Variants in OTOA observed in about 807,000 individuals in gnomAD.
The protein encoded by OTOA is otoancorin.
A neutral mutation model predicts 110.8 loss-of-function variants in OTOA; 70 were observed. That is an observed-to-expected ratio of 0.63 (90% confidence interval 0.52 to 0.77). OTOA has a LOEUF of 0.77. Among genes scored for constraint, OTOA ranks in the 30% least tolerant of loss-of-function variants. OTOA has a pLI of 0.00. For missense variants in OTOA, 917 were observed against 1,075.8 expected, an observed-to-expected ratio of 0.85 and a Z score of 2.06; for synonymous variants, 373 against 431.5, an observed-to-expected ratio of 0.86 and a Z score of 1.68.
Position 21,756,543 on chromosome 16 carries a change from C to T in OTOA, c.3154-539C>T, listed in dbSNP as rs896592633. Among the ~76,000 whole-genome samples, 3 of 152,032 alleles carry T rather than the reference C, an allele frequency of 2.0e-5. 1 individual carries two copies. The highest frequency in any genetic ancestry group is 2.0e-4 in the Admixed American group (3 of 15,242). On this transcript the variant is annotated intron_variant, in intron 27 of 28. Coordinates refer to ENST00000646100, the MANE Select transcript of OTOA (RefSeq NM_144672.4). Reference sequence around the variant, plus strand: ...TGATCTTTAAGGCCTGTGTTTCCCCCTCCACATCAGTGTTTCAGGAGGTGG... The same window carrying T: ...TGATCTTTAAGGCCTGTGTTTCCCCTTCCACATCAGTGTTTCAGGAGGTGG...
At chr16:21,737,821 T>C (rs545077339) in intron 22 of OTOA, among the ~76,000 whole-genome samples, 14 of 152,396 alleles carry the variant, frequency 9.2e-5, no homozygotes, top group Middle Eastern at 3.4e-3. Flanking sequence ...CCTGTCCAAG[T>C]GTTAGATATT....
intron 13 of OTOA, among the ~76,000 whole-genome samples, chr16:21,712,334 T>TAA (rs879680615): frequency 2.1e-5 from 3 of 140,558 alleles, no homozygotes; most frequent in Admixed American, 1.4e-4. Flanking sequence ...GACTCTGTCT[T>TAA]AAAAAAAAAA....
chr16:21,728,485 C>A (rs1257731589), intron 20 of OTOA, 54 bp downstream of exon 20: 13 of 1,581,254 alleles, frequency 8.2e-6, no homozygotes, highest in East Asian at 2.3e-5. Flanking sequence ...TGTGGAGGGA[C>A]ACTCAACCTT....
intron 8 of OTOA, 81 bp from the exon 9 acceptor site, chr16:21,691,503 C>A: frequency 8.6e-7 from 1 of 1,165,438 alleles, no homozygotes; most frequent in Non-Finnish European, 1.3e-6. Context: ...AGCTTTGGGT[C>A]ACATTTGCTG....
At chr16:21,716,004 G>A (rs1898542581) in intron 14 of OTOA, among the ~76,000 whole-genome samples, 1 of 151,884 alleles carries the variant, frequency 6.6e-6, no homozygotes, top group Admixed American at 6.6e-5. Flanking sequence ...CCACCTCTGG[G>A]GCTCAAGGGA....
At chr16:21,687,706 C>T (rs548194192) in intron 8 of OTOA, 58 bp downstream of exon 8, 12 of 1,447,420 alleles carry the variant, frequency 8.3e-6, no homozygotes, top group East Asian at 7.4e-5. Flanking sequence ...TTCACTCTGT[C>T]GCCCAGGTTG....
intron 15 of OTOA, among the ~76,000 whole-genome samples, chr16:21,717,605 G>A (rs1435787485): frequency 6.6e-6 from 1 of 152,200 alleles, no homozygotes; most frequent in Non-Finnish European, 1.5e-5. Flanking sequence ...GCTGTGTACT[G>A]TAAGTATTCG....
At chr16:21,707,645 CTT>C (rs1346984017) in intron 12 of OTOA, among the ~76,000 whole-genome samples, 32 of 104,186 alleles carry the variant, frequency 3.1e-4, no homozygotes, top group Middle Eastern at 4.7e-3. Context: ...TTCTTTCTTT[CTT>C]TCTTTCTTTC....
chr16:21,688,980 C>T (rs1897775977), intron 8 of OTOA, among the ~76,000 whole-genome samples: 1 of 152,092 alleles, frequency 6.6e-6, no homozygotes, highest in Non-Finnish European at 1.5e-5. Flanking sequence ...GAAGGAGTGA[C>T]AGAGCACTGA....
At chr16:21,691,341 T>C (rs1897825640) in intron 8 of OTOA, among the ~76,000 whole-genome samples, 1 of 152,112 alleles carries the variant, frequency 6.6e-6, no homozygotes, top group African/African-American at 2.4e-5. Context: ...AGAAATGGGA[T>C]TGCTGGGTCA....
intron 10 of OTOA, among the ~76,000 whole-genome samples, 184 bp from the exon 11 acceptor site, chr16:21,700,704 G>A (rs1218106582): frequency 7.4e-6 from 1 of 134,692 alleles, no homozygotes; most frequent in Non-Finnish European, 1.5e-5. Flanking sequence ...CAGCCTGGGC[G>A]ACAGAGTGAG....
chr16:21,688,007 C>T (rs763306438), intron 8 of OTOA, among the ~76,000 whole-genome samples: 19 of 152,014 alleles, frequency 1.2e-4, no homozygotes, highest in Non-Finnish European at 2.4e-4. Flanking sequence ...CAGGGGCTGC[C>T]GTGAGAATGC....
rs56124254 is a variant in OTOA at position 21,697,037 on chromosome 16, CTTTTTTTT to C, written c.740-721_740-714del. On this transcript the variant is annotated intron_variant, in intron 9 of 28. Coordinates refer to ENST00000646100, the MANE Select transcript of OTOA (RefSeq NM_144672.4). ...CCTGAGTAGCTGGGACTACAGCTGG[CTTTTTTTT>C]TTTTTTTTTTTTTTTTGTAGCGATG... is the stretch of plus-strand genomic sequence containing the variant. 2.2e-4 allele frequency among the ~76,000 whole-genome samples: 14 copies of C among 65,046 alleles called. No individual in the cohort carries two copies. In the East Asian group the frequency reaches 3.1e-3, roughly 14 times the overall value. The allele number at this position is 65,046 out of a possible 152,430, so 42.7% of individuals were successfully genotyped here.
rs191271174 is a variant in OTOA at position 21,711,258 on chromosome 16, G to A, written c.1320+1155G>A. Among the ~76,000 whole-genome samples the A allele has an allele frequency of 1.1e-3, 168 of 152,274 alleles. 1 individual carries two copies. Among genetic ancestry groups the A allele is most frequent in the African/African-American group, 3.6e-3 (148 of 41,556 alleles). ...GGTTTTTGCCATTACTTTGGGATTAGGGATGATGCTATTTTATTCCAATCT... is the reference window on the plus strand; with the variant it reads ...GGTTTTTGCCATTACTTTGGGATTAAGGATGATGCTATTTTATTCCAATCT... On this transcript the variant is annotated intron_variant, in intron 13 of 28. Coordinates refer to ENST00000646100, the MANE Select transcript of OTOA (RefSeq NM_144672.4).
At chr16:21,687,781 C>T (rs1394529234) in intron 8 of OTOA, 133 bp downstream of exon 8, 1 of 805,804 alleles carries the variant, frequency 1.2e-6, no homozygotes, top group East Asian at 2.7e-5. Context: ...GATTCTCCTG[C>T]CTCAATTCCA....
intron 15 of OTOA, 94 bp downstream of exon 15, chr16:21,717,141 T>A: frequency 1.3e-6 from 2 of 1,537,288 alleles, no homozygotes; most frequent in South Asian, 2.3e-5. Flanking sequence ...ATAAAAGAAA[T>A]TTATTTCTGT....
At chr16:21,680,854 A>G (rs75257066) in intron 5 of OTOA, among the ~76,000 whole-genome samples, 1 of 141,586 alleles carries the variant, frequency 7.1e-6, no homozygotes, top group Admixed American at 7.1e-5. Flanking sequence ...CTCTGTCTCC[A>G]AAAAAAAAAA....
chr16:21,693,759 A>G (rs1897879768), intron 9 of OTOA, among the ~76,000 whole-genome samples: 1 of 152,066 alleles, frequency 6.6e-6, no homozygotes, highest in Non-Finnish European at 1.5e-5. Context: ...TATTTTTAGT[A>G]GAGATGTGAT....
chr16:21,668,311 T>C (rs1216746577), intron 1 of OTOA, among the ~76,000 whole-genome samples: 2 of 152,176 alleles, frequency 1.3e-5, no homozygotes, highest in African/African-American at 4.8e-5. Flanking sequence ...AGTCATGCTG[T>C]GTTGCCCAGG....
Sources: allele counts gnomAD v4.1 joint callset (sites outside exome capture counted in the v4.1 genomes callset), GRCh38; gene constraint gnomAD v4.1.1; transcripts MANE v1.5; gene names NCBI Gene and HGNC (gene_info 2026-07-23, HGNC 2026-07-21).